The following LDB2 variants were observed in gnomAD, a reference collection of about 807,000 sequenced individuals.
LDB2 encodes LIM domain binding 2.
A neutral mutation model predicts 44.3 loss-of-function variants in LDB2; 12 were observed. That is an observed-to-expected ratio of 0.27 (90% CI 0.17 to 0.44). LDB2 has a LOEUF of 0.44. LDB2 is among the 20% of genes least tolerant of loss of function. The pLI is 1.00. For synonymous variants in LDB2, 164 were observed against 174.8 expected (o/e 0.94, Z 0.49); for missense variants, 344 against 473.5 (o/e 0.73, Z 2.54).
intron 5 of LDB2, among the ~76,000 whole-genome samples, chr4:16,579,702 GT>G (rs1297789600): frequency 6.6e-6 from 1 of 152,054 alleles, no homozygotes; most frequent in African/African-American, 2.4e-5. Flanking sequence ...TGAATCACAT[GT>G]TTTTTTCTAG....
In LDB2 at chr4:16,797,121, T is replaced by C. The variant is rs578212139; in HGVS notation, c.133-37861A>G. ...GAGAATTGGTTTCAGGACCCCTGCA[T>C]TGACCAAAATCCTCAAGTCCTGCAG... On this transcript the variant is annotated intron_variant, in intron 1 of 7. Coordinates refer to ENST00000304523, the MANE Select transcript of LDB2 (RefSeq NM_001290.5). Among the ~76,000 whole-genome samples the C allele has an allele frequency of 4.9e-4, 75 of 152,248 alleles. No individual in the cohort carries two copies. The Middle Eastern group carries it at 0.01, about 21-fold the overall frequency.
intron 2 of LDB2, among the ~76,000 whole-genome samples, chr4:16,674,473 T>C (rs1745732101): frequency 6.6e-6 from 1 of 152,150 alleles, no homozygotes; most frequent in African/African-American, 2.4e-5. Context: ...CTATGTGGCC[T>C]ATAGGGTGGA....
At chr4:16,876,838 T>C (rs1398402332) in intron 1 of LDB2, among the ~76,000 whole-genome samples, 8 of 151,944 alleles carry the variant, frequency 5.3e-5, no homozygotes, top group Non-Finnish European at 8.8e-5. Flanking sequence ...AACCAAATAC[T>C]CCATCCATTG....
chr4:16,711,863 G>A (rs1390091639), intron 2 of LDB2, among the ~76,000 whole-genome samples: 1 of 152,152 alleles, frequency 6.6e-6, no homozygotes, highest in African/African-American at 2.4e-5. Context: ...TTAACAAATG[G>A]TGCTGAGATA....
intron 5 of LDB2, among the ~76,000 whole-genome samples, chr4:16,545,300 G>T (rs762943560): frequency 6.6e-6 from 1 of 151,920 alleles, no homozygotes; most frequent in Non-Finnish European, 1.5e-5. Flanking sequence ...GCTCTTCACA[G>T]AATGAAGGGC....
intron 2 of LDB2, among the ~76,000 whole-genome samples, chr4:16,653,231 C>G (rs537169569): frequency 6.6e-6 from 1 of 152,232 alleles, no homozygotes; most frequent in East Asian, 1.9e-4. Flanking sequence ...TGACTTGCAC[C>G]CTCTTTTTCA....
At chr4:16,601,201 A>G (rs1195731335) in intron 2 of LDB2, among the ~76,000 whole-genome samples, 1 of 152,142 alleles carries the variant, frequency 6.6e-6, no homozygotes, top group Non-Finnish European at 1.5e-5. Flanking sequence ...TTATTTTGAG[A>G]ATTTCTAACT....
chr4:16,760,919 G>A (rs1176285643), intron 1 of LDB2, among the ~76,000 whole-genome samples: 5 of 152,038 alleles, frequency 3.3e-5, no homozygotes, highest in Admixed American at 1.3e-4. Context: ...TTTATTGAGT[G>A]TTTACCACAT....
chr4:16,876,938 C>T (rs1718587684), intron 1 of LDB2, among the ~76,000 whole-genome samples: 1 of 147,430 alleles, frequency 6.8e-6, no homozygotes, highest in Non-Finnish European at 1.5e-5. Context: ...ACAAGGTCTT[C>T]GCTCTGTCAC....
chr4:16,704,859 G>C (rs1754263344), intron 2 of LDB2, among the ~76,000 whole-genome samples: 1 of 152,148 alleles, frequency 6.6e-6, no homozygotes. Flanking sequence ...CAGTGAAGGA[G>C]GCAGGTAGAA....
At chr4:16,820,396 G>C (rs1781726714) in intron 1 of LDB2, among the ~76,000 whole-genome samples, 1 of 152,174 alleles carries the variant, frequency 6.6e-6, no homozygotes, top group South Asian at 2.1e-4. Flanking sequence ...TTAGCTGAGG[G>C]GGAAGACAAG....
intron 2 of LDB2, among the ~76,000 whole-genome samples, chr4:16,700,994 G>A (rs1358229767): frequency 1.3e-5 from 2 of 152,126 alleles, no homozygotes; most frequent in Non-Finnish European, 2.9e-5. Flanking sequence ...ACTCAAAGCA[G>A]TCCTGTGAGA....
chr4:16,561,206 A>G (rs1470914039), intron 5 of LDB2, among the ~76,000 whole-genome samples: 1 of 152,150 alleles, frequency 6.6e-6, no homozygotes, highest in East Asian at 1.9e-4. Flanking sequence ...TAGTGTTGGA[A>G]GTTCTGGCCA....
chr4:16,674,133 T>C, intron 2 of LDB2: 1 of 750,324 alleles, frequency 1.3e-6, no homozygotes, highest in Non-Finnish European at 2.0e-6. Flanking sequence ...CCTGAGAATA[T>C]TTCCCATTTT....
At chr4:16,797,623 T>G (rs1437457761) in intron 1 of LDB2, among the ~76,000 whole-genome samples, 1 of 152,118 alleles carries the variant, frequency 6.6e-6, no homozygotes, top group Non-Finnish European at 1.5e-5. Flanking sequence ...TTCTCTAGAA[T>G]AGTTAGGAAT....
intron 2 of LDB2, among the ~76,000 whole-genome samples, chr4:16,727,499 A>G (rs1759772617): frequency 6.6e-6 from 1 of 152,062 alleles, no homozygotes; most frequent in Non-Finnish European, 1.5e-5. Flanking sequence ...AGACTCGAGC[A>G]TGGGGAATGC....
intron 1 of LDB2, among the ~76,000 whole-genome samples, chr4:16,857,487 G>A (rs1186250383): frequency 6.6e-6 from 1 of 152,160 alleles, no homozygotes; most frequent in African/African-American, 2.4e-5. Flanking sequence ...CAACTCAGAA[G>A]CCTCCTGTGG....
chr4:16,759,040 C>T, intron 2 of LDB2, 118 bp downstream of exon 2: 1 of 643,936 alleles, frequency 1.6e-6, no homozygotes, highest in Non-Finnish European at 2.7e-6. Flanking sequence ...CAAGAACATT[C>T]TCAGGAGTGG....
intron 1 of LDB2, among the ~76,000 whole-genome samples, chr4:16,783,900 G>A (rs1773848192): frequency 6.6e-6 from 1 of 152,036 alleles, no homozygotes. Flanking sequence ...CTTGCTTTGT[G>A]CTAGAATTGC....
Sources: gnomAD v4.1 joint callset for allele counts (sites outside exome capture counted in the v4.1 genomes callset) on GRCh38, gnomAD v4.1.1 for gene constraint, MANE v1.5 for transcripts, NCBI Gene and HGNC (gene_info 2026-07-23, HGNC 2026-07-21) for gene names.